RAB38: variants seen among roughly 807,000 people sequenced by gnomAD.
RAB38 encodes ras-related protein Rab-38.
In RAB38, 15 loss-of-function variants were observed where a neutral mutation model predicts 18.4. The ratio of observed to expected loss-of-function variants is 0.82; its 90% CI spans 0.55 to 1.26. RAB38 has a LOEUF of 1.26. Among genes scored for constraint, RAB38 ranks in the 50% most tolerant of loss-of-function variants. The probability of loss-of-function intolerance (pLI) is 0.00; values close to 1 mark genes in which losing one functional copy is unlikely to be tolerated. For missense variants in RAB38, 294 were observed against 267.4 expected (o/e 1.10, Z -0.69); for synonymous variants, 101 against 104.4 (o/e 0.97, Z 0.20).
the RAB38 span, among the ~76,000 whole-genome samples, chr11:88,067,507 G>A: frequency 6.6e-6 from 1 of 152,128 alleles, no homozygotes; most frequent in African/African-American, 2.4e-5. Context: ...GCACATAAGG[G>A]AAAGGAAAAT....
At chr11:87,904,202 C>T in the RAB38 span, among the ~76,000 whole-genome samples, 4 of 151,726 alleles carry the variant, frequency 2.6e-5, no homozygotes, top group East Asian at 7.8e-4. Context: ...ATCACCCAGT[C>T]ACTAAGCATA....
At chr11:87,921,140 C>A in the RAB38 span, among the ~76,000 whole-genome samples, 1 of 152,036 alleles carries the variant, frequency 6.6e-6, no homozygotes, top group Non-Finnish European at 1.5e-5. Context: ...TTCATGAGGA[C>A]TGCTATGTAT....
At chr11:87,893,371 C>CATATATATATATATATGTGTAT in the RAB38 span, among the ~76,000 whole-genome samples, 46 of 86,416 alleles carry the variant, frequency 5.3e-4, no homozygotes, top group African/African-American at 1.8e-3. Context: ...ATATATTTTA[C>CATATATATATATATATGTGTAT]ATATATATAT....
chr11:87,835,441 G>A, the RAB38 span, among the ~76,000 whole-genome samples: 3 of 152,118 alleles, frequency 2.0e-5, no homozygotes, highest in African/African-American at 7.2e-5. Flanking sequence ...TTAAGCCCCG[G>A]CTTAGGGCAT....
At chr11:88,008,913 C>T in the RAB38 span, among the ~76,000 whole-genome samples, 1 of 152,154 alleles carries the variant, frequency 6.6e-6, no homozygotes, top group Non-Finnish European at 1.5e-5. Context: ...ACCTCGTGAT[C>T]CGCCCGCCTC....
chr11:88,169,037 A>G (rs1476434525), intron 1 of RAB38, among the ~76,000 whole-genome samples: 1 of 152,200 alleles, frequency 6.6e-6, no homozygotes, highest in Non-Finnish European at 1.5e-5. Flanking sequence ...TGGAGGAGGC[A>G]GAGATTAGAG....
chr11:88,078,661 G>C, the RAB38 span, among the ~76,000 whole-genome samples: 1 of 151,862 alleles, frequency 6.6e-6, no homozygotes, highest in Non-Finnish European at 1.5e-5. Context: ...CTCATATTTG[G>C]GAGCTTAAAA....
the RAB38 span, among the ~76,000 whole-genome samples, chr11:87,941,214 G>GAGATATAT: frequency 1.8e-4 from 11 of 62,538 alleles, no homozygotes; most frequent in East Asian, 5.6e-4. Flanking sequence ...AAATATATGA[G>GAGATATAT]ATATATATAT....
At chr11:88,015,508 G>A in the RAB38 span, among the ~76,000 whole-genome samples, 3 of 152,228 alleles carry the variant, frequency 2.0e-5, no homozygotes, top group African/African-American at 7.2e-5. Flanking sequence ...ATAAGTGATC[G>A]ATAGGTATCA....
the RAB38 span, among the ~76,000 whole-genome samples, chr11:88,023,336 T>G: frequency 6.6e-6 from 1 of 150,774 alleles, no homozygotes; most frequent in African/African-American, 2.4e-5. Flanking sequence ...ATCTAGGAAT[T>G]AATGAAAGAA....
chr11:88,170,605 C>A (rs1416776434), intron 1 of RAB38, among the ~76,000 whole-genome samples: 1 of 152,164 alleles, frequency 6.6e-6, no homozygotes, highest in Non-Finnish European at 1.5e-5. Flanking sequence ...GCCTGGGCTG[C>A]CTTCATCCTG....
At chr11:88,018,396 G>C in the RAB38 span, among the ~76,000 whole-genome samples, 2 of 152,056 alleles carry the variant, frequency 1.3e-5, no homozygotes, top group East Asian at 3.9e-4. Flanking sequence ...TTCAAACATA[G>C]TGAAATAGCT....
chr11:87,941,214 GATATATATATAT>G, the RAB38 span, among the ~76,000 whole-genome samples: 193 of 62,556 alleles, frequency 3.1e-3, 11 homozygotes, highest in Middle Eastern at 8.5e-3. Context: ...AAATATATGA[GATATATATATAT>G]ATATATATAT....
the RAB38 span, among the ~76,000 whole-genome samples, chr11:88,027,130 G>C: frequency 6.6e-6 from 1 of 152,006 alleles, no homozygotes; most frequent in Non-Finnish European, 1.5e-5. Flanking sequence ...ACTAGCTTGA[G>C]AAAGTTTCCT....
the RAB38 span, among the ~76,000 whole-genome samples, chr11:87,892,555 T>C: frequency 2.0e-5 from 3 of 151,838 alleles, no homozygotes; most frequent in Non-Finnish European, 2.9e-5. Context: ...TAGCAGGATG[T>C]AGGCAGAGCA....
the RAB38 span, among the ~76,000 whole-genome samples, chr11:88,035,035 T>A: frequency 6.6e-6 from 1 of 152,246 alleles, no homozygotes. Flanking sequence ...GGATGTGTAG[T>A]GGACCTCACT....
Position 88,113,729 on chromosome 11 carries a change from T to C in RAB38, c.*259A>G. 1 of 407,048 alleles carries C rather than the reference T, an allele frequency of 2.5e-6. No homozygotes were observed. Among genetic ancestry groups the C allele is most frequent in the Non-Finnish European group, 4.5e-6 (1 of 223,788 alleles). 25.2% of individuals were successfully genotyped at this position (407,048 alleles called of 1,614,324 possible). ...CAAATAACAGTGCCGACTGTGGCCC[T>C]GCAGGATTTTGGTCAGCTACATGAC... On this transcript the variant is annotated 3_prime_UTR_variant, in exon 3 of 3. Transcript: ENST00000243662.
chr11:88,005,396 A>G, the RAB38 span, among the ~76,000 whole-genome samples: 1 of 131,670 alleles, frequency 7.6e-6, no homozygotes, highest in Non-Finnish European at 1.6e-5. Context: ...AATAAAAACC[A>G]TTAAAAAAAA....
intron 1 of RAB38, among the ~76,000 whole-genome samples, chr11:88,164,252 C>T (rs1283677075): frequency 9.6e-6 from 1 of 104,124 alleles, no homozygotes; most frequent in African/African-American, 3.6e-5. Flanking sequence ...TGCCAAGGTG[C>T]TCTCGGTGGG....
Sources: allele counts gnomAD v4.1 joint callset (sites outside exome capture counted in the v4.1 genomes callset), GRCh38; gene constraint gnomAD v4.1.1; transcripts MANE v1.5; gene names NCBI Gene and HGNC (gene_info 2026-07-23, HGNC 2026-07-21).